The following GRHL2 variants were observed in gnomAD, a reference collection of about 807,000 sequenced individuals.
GRHL2 encodes grainyhead like transcription factor 2, also known as grainyhead-like protein 2 homolog.
Under a neutral mutation model 83.8 loss-of-function variants are expected in GRHL2, and 21 were observed. That is an observed-to-expected ratio of 0.25 (90% CI 0.18 to 0.36). The LOEUF is 0.36. Among genes scored for constraint, GRHL2 ranks in the 10% least tolerant of loss-of-function variants. GRHL2 has a pLI of 1.00. For synonymous variants in GRHL2, 280 were observed against 278.9 expected, an observed-to-expected ratio of 1.00 and a Z score of -0.04; for missense variants, 623 against 781.8, an observed-to-expected ratio of 0.80 and a Z score of 2.42.
At position 101,606,228 on chromosome 8, in the gene GRHL2, TAGAG is replaced by T. The variant is rs372338314; in HGVS notation, c.1098+7081_1098+7084del. Among the ~76,000 whole-genome samples the T allele has an allele frequency of 5.4e-3, 825 of 152,362 alleles. 9 individuals carry two copies. Among genetic ancestry groups the T allele is most frequent in the African/African-American group, 0.018 (756 of 41,586 alleles). ...TACACATAAGCCAATGTTCCTTTTATAGAGAGATTCCTCTAATCTTGGGTCTCTT... is the reference window on the plus strand; with the variant it reads ...TACACATAAGCCAATGTTCCTTTTATAGATTCCTCTAATCTTGGGTCTCTT... On this transcript the variant is annotated intron_variant, in intron 8 of 15. Transcript: ENST00000646743.
intron 1 of GRHL2, among the ~76,000 whole-genome samples, chr8:101,527,200 T>A (rs1460749490): frequency 6.6e-6 from 1 of 152,272 alleles, no homozygotes; most frequent in Non-Finnish European, 1.5e-5. Context: ...TGGAAATTGT[T>A]GCTCTTTAAT....
chr8:101,544,279 G>A lies in GRHL2; in HGVS notation c.216+843G>A, dbSNP rs552972853. On this transcript the variant is annotated intron_variant, in intron 2 of 15. Transcript: ENST00000646743. ...AAGGAACATTCCAGTGAACACTTTC[G>A]TGGAAGACTTTTGCAGGAATTTCAA... Among the ~76,000 whole-genome samples the A allele has an allele frequency of 1.2e-3, 186 of 152,256 alleles. 1 individual carries two copies. Among genetic ancestry groups the A allele is most frequent in the African/African-American group, 4.0e-3 (168 of 41,544 alleles).
At chr8:101,594,637 C>T (rs1812354875) in intron 7 of GRHL2, among the ~76,000 whole-genome samples, 1 of 152,212 alleles carries the variant, frequency 6.6e-6, no homozygotes. Context: ...GCTATTGTAC[C>T]ACCTGTGGAG....
chr8:101,608,481 C>G (rs1812675161), intron 8 of GRHL2, among the ~76,000 whole-genome samples: 2 of 152,132 alleles, frequency 1.3e-5, no homozygotes, highest in South Asian at 4.2e-4. Context: ...AATGTTTGGA[C>G]TAGGCTAGCA....
At chr8:101,562,244 C>G in intron 4 of GRHL2, 3 of 602,972 alleles carry the variant, frequency 5.0e-6, no homozygotes, top group Non-Finnish European at 9.3e-6. Context: ...ATAGCTCTCA[C>G]TGGTATTCGA....
downstream of GRHL2, among the ~76,000 whole-genome samples, chr8:101,670,647 T>C (rs1363902934): frequency 2.0e-5 from 3 of 152,202 alleles, no homozygotes; most frequent in Non-Finnish European, 4.4e-5. Context: ...CAGCTGAGGA[T>C]ACGAGCTGGT....
intron 8 of GRHL2, among the ~76,000 whole-genome samples, chr8:101,605,694 T>A (rs553241404): frequency 2.4e-4 from 37 of 152,326 alleles, no homozygotes; most frequent in African/African-American, 8.9e-4. Flanking sequence ...ATCGTGCATA[T>A]CATTGACCGG....
rs3029438 is a variant in GRHL2, at chr8:101,636,724, T to TACACACAC, written c.1486-138_1486-131dup. 0.023 allele frequency: 10,858 copies of TACACACAC among 482,576 alleles called. 90 individuals carry two copies. The highest frequency in any genetic ancestry group is 0.042 in the South Asian group (1,380 of 33,084). The allele number at this position is 482,576 out of a possible 1,614,324, so 29.9% of individuals were successfully genotyped here. On this transcript the variant is annotated intron_variant, in intron 11 of 15. Transcript: ENST00000646743. Reference sequence around the variant, plus strand: ...ACTTAAATATGCATTTCCTTAGAAATACACACACACACACACACACACACA... The same window carrying TACACACAC: ...ACTTAAATATGCATTTCCTTAGAAATACACACACACACACACACACACACACACACACA...
At chr8:101,501,342 G>C (rs1337355425) in intron 1 of GRHL2, among the ~76,000 whole-genome samples, 1 of 152,238 alleles carries the variant, frequency 6.6e-6, no homozygotes, top group Non-Finnish European at 1.5e-5. Flanking sequence ...AGCAAGAATT[G>C]CTTGTGGCTT....
intron 12 of GRHL2, among the ~76,000 whole-genome samples, chr8:101,641,302 G>C (rs7839801): frequency 0.11 from 16,506 of 152,060 alleles, 1,863 homozygotes; most frequent in African/African-American, 0.29. Context: ...AAGATGACCT[G>C]TTTTCTGAGG....
chr8:101,529,442 A>AAG (rs1367249200), intron 1 of GRHL2: 10 of 159,096 alleles, frequency 6.3e-5, no homozygotes, highest in African/African-American at 2.4e-4. Context: ...CAAAAAAAAA[A>AAG]AAAAAGTGCC....
intron 1 of GRHL2, among the ~76,000 whole-genome samples, chr8:101,496,798 G>A (rs147848773): frequency 6.8e-4 from 104 of 152,200 alleles, no homozygotes; most frequent in African/African-American, 2.4e-3. Flanking sequence ...TAAGATACCT[G>A]GGGTAAGAAT....
At chr8:101,558,150 G>A (rs933966782) in intron 3 of GRHL2, among the ~76,000 whole-genome samples, 1 of 152,126 alleles carries the variant, frequency 6.6e-6, no homozygotes, top group African/African-American at 2.4e-5. Context: ...CAGGCATGAG[G>A]CACCGCGCCT....
chr8:101,502,566 T>C lies in GRHL2; in HGVS notation c.20+9777T>C, dbSNP rs191424132. On this transcript the variant is annotated intron_variant, in intron 1 of 15. Coordinates refer to ENST00000646743, the MANE Select transcript of GRHL2 (RefSeq NM_024915.4). ...AGAAAAGTGGTACAAGAAAATCAGA[T>C]AAAATGGGCTGGCAGGGACGCTGAG... Among the ~76,000 whole-genome samples the C allele has an allele frequency of 3.9e-5, 6 of 152,238 alleles. 1 individual carries two copies. The East Asian group carries it at 1.2e-3, about 29-fold the overall frequency.
chr8:101,639,728 G>C (rs1253967299), intron 12 of GRHL2, among the ~76,000 whole-genome samples: 1 of 152,216 alleles, frequency 6.6e-6, no homozygotes, highest in East Asian at 1.9e-4. Flanking sequence ...GCCCAGATGA[G>C]TGTGTCTGGC....
intron 1 of GRHL2, among the ~76,000 whole-genome samples, chr8:101,537,680 C>T (rs1282773719): frequency 1.3e-5 from 2 of 152,068 alleles, no homozygotes; most frequent in East Asian, 3.9e-4. Context: ...CTCAAAGAGA[C>T]ACCTGCTCAT....
At chr8:101,672,023 G>A (rs927366499), downstream of GRHL2, among the ~76,000 whole-genome samples, 13 of 151,998 alleles carry the variant, frequency 8.6e-5, no homozygotes, top group Non-Finnish European at 1.6e-4. Context: ...CTAACAAACA[G>A]AAAGGACATC....
At chr8:101,676,826 G>A in the GRHL2 span, among the ~76,000 whole-genome samples, 9 of 152,112 alleles carry the variant, frequency 5.9e-5, 1 homozygote, top group Admixed American at 3.9e-4. Flanking sequence ...GTCCAACAAC[G>A]ATAGACTGGA....
At chr8:101,619,255 A>T (rs1554593082) in intron 8 of GRHL2, among the ~76,000 whole-genome samples, 2 of 152,306 alleles carry the variant, frequency 1.3e-5, no homozygotes, top group Middle Eastern at 3.4e-3. Flanking sequence ...TCTGTCTCAA[A>T]AAAATAAAAT....
Sources: gnomAD v4.1 joint callset for allele counts (sites outside exome capture counted in the v4.1 genomes callset) on GRCh38, gnomAD v4.1.1 for gene constraint, MANE v1.5 for transcripts, NCBI Gene and HGNC (gene_info 2026-07-23, HGNC 2026-07-21) for gene names.